Variants in PRICKLE1 observed in about 807,000 individuals in gnomAD.
PRICKLE1 encodes prickle planar cell polarity protein 1, also known as prickle-like protein 1.
PRICKLE1 carries 14 observed loss-of-function variants against 70.2 expected under a neutral mutation model. The ratio of observed to expected loss-of-function variants is 0.20; its 90% CI spans 0.13 to 0.31. PRICKLE1 has a LOEUF of 0.31. Among genes scored for constraint, PRICKLE1 ranks in the 10% least tolerant of loss-of-function variants. The probability of loss-of-function intolerance (pLI) is 1.00; values close to 1 mark genes in which losing one functional copy is unlikely to be tolerated. For missense variants in PRICKLE1, 821 were observed against 1,026.2 expected (o/e 0.80, Z 2.73); for synonymous variants, 357 against 379.9 (o/e 0.94, Z 0.70).
intron 1 of PRICKLE1, among the ~76,000 whole-genome samples, chr12:42,477,534 G>A (rs1188946839): frequency 6.1e-5 from 6 of 98,408 alleles, no homozygotes; most frequent in East Asian, 6.3e-4. Context: ...ATATATATAT[G>A]ACCTCACAAA....
intron 1 of PRICKLE1, among the ~76,000 whole-genome samples, chr12:42,522,821 C>G (rs1359233646): frequency 6.6e-6 from 1 of 152,080 alleles, no homozygotes; most frequent in Admixed American, 6.6e-5. Context: ...TAAATTTGAT[C>G]TTTAGGGATC....
intron 5 of PRICKLE1, among the ~76,000 whole-genome samples, chr12:42,467,924 T>G (rs1423732725): frequency 6.6e-6 from 1 of 152,204 alleles, no homozygotes; most frequent in East Asian, 1.9e-4. Context: ...TGATCTTGGA[T>G]AAGAAAAGGA....
In PRICKLE1 at chr12:42,460,144, T is replaced by TC. The variant is rs1437152413; in HGVS notation, c.2160dup (p.Ile721AspfsTer9). 1 of 1,614,034 alleles carries TC rather than the reference T, an allele frequency of 6.2e-7. No individual in the cohort carries two copies. On this transcript the variant is annotated frameshift_variant, in exon 8 of 8. Transcript: ENST00000345127. LOFTEE classifies it high-confidence loss of function. ...TCAGCATTCTGGATGTATGCTTGGA[T>TC]CTCCCGGGCACTTTTATTCTGTATA... is the stretch of plus-strand genomic sequence containing the variant.
intron 1 of PRICKLE1, 89 bp from the exon 2 acceptor site, chr12:42,472,653 A>G (rs1270307454): frequency 9.1e-7 from 1 of 1,096,806 alleles, no homozygotes; most frequent in Non-Finnish European, 1.3e-6. Flanking sequence ...GAATGCTGTT[A>G]ACAGACAGCT....
intron 1 of PRICKLE1, among the ~76,000 whole-genome samples, chr12:42,512,591 T>A (rs1272384836): frequency 6.6e-6 from 1 of 152,184 alleles, no homozygotes; most frequent in African/African-American, 2.4e-5. Flanking sequence ...ATTCTTCATC[T>A]CTCTTTCCTG....
chr12:42,542,379 G>A (rs1056967288), intron 1 of PRICKLE1, among the ~76,000 whole-genome samples: 5 of 152,028 alleles, frequency 3.3e-5, no homozygotes, highest in Non-Finnish European at 5.9e-5. Flanking sequence ...GGCCAGGCAC[G>A]GTGACTCATG....
intron 1 of PRICKLE1, among the ~76,000 whole-genome samples, chr12:42,536,020 C>T (rs1940012154): frequency 6.6e-6 from 1 of 152,200 alleles, no homozygotes; most frequent in Admixed American, 6.5e-5. Context: ...CAAACTAACA[C>T]AGTACATTCA....
chr12:42,514,747 A>C (rs1939574278), intron 1 of PRICKLE1, among the ~76,000 whole-genome samples: 1 of 152,096 alleles, frequency 6.6e-6, no homozygotes. Context: ...AAACAGTCCT[A>C]AAAGGCTTGT....
rs1566087316 is a variant in PRICKLE1, at chr12:42,472,365, T to A, written c.132+20A>T. ...CACACTGAAAAACAAAGAGTAAATA[T>A]AGGATGATGAAGTTCCTACCTGCTC... On this transcript the variant is annotated intron_variant, in intron 2 of 7. Coordinates refer to ENST00000345127, the MANE Select transcript of PRICKLE1 (RefSeq NM_153026.3). 2 of 1,613,754 alleles carry A rather than the reference T, an allele frequency of 1.2e-6. No homozygotes were observed. Among genetic ancestry groups the A allele is most frequent in the East Asian group, 4.5e-5 (2 of 44,874 alleles).
chr12:42,487,771 C>G (rs1939015054), intron 1 of PRICKLE1, among the ~76,000 whole-genome samples: 1 of 152,172 alleles, frequency 6.6e-6, no homozygotes. Flanking sequence ...CTCGGCCAAG[C>G]GTAGTGGCCC....
intron 1 of PRICKLE1, among the ~76,000 whole-genome samples, chr12:42,521,086 G>T (rs1175183139): frequency 6.6e-6 from 1 of 152,076 alleles, no homozygotes; most frequent in Non-Finnish European, 1.5e-5. Context: ...CAGGAGAATG[G>T]CTTGAACCTG....
chr12:42,469,528 A>T lies in PRICKLE1; in HGVS notation c.306T>A (p.Ala102=), dbSNP rs1938233337. 2 of 1,614,072 alleles carry T rather than the reference A, an allele frequency of 1.2e-6. No individual in the cohort carries two copies. The highest frequency in any genetic ancestry group is 2.7e-5 in the African/African-American group (2 of 74,924). ...TTCCCAGTGCTTCTTTCTTCCGCTG[A>T]GCACTGAACACCTGCAACTCTTTTT... ...EEKKELQVFS[A]QRKKEALGRG... The change falls in exon 4 of 8, where the codon GCT becomes GCA. Residue 102 remains alanine, a synonymous_variant. Transcript: ENST00000345127.
Position 42,459,399 on chromosome 12 carries a change from G to A in PRICKLE1, c.*410C>T, listed in dbSNP as rs781107806. On this transcript the variant is annotated 3_prime_UTR_variant, in exon 8 of 8. Transcript: ENST00000345127. ...TGACAGGCATGCCTCACACCAAGAC[G>A]GACTATCAAGACCTGAGCCGACCTG... 1.4e-5 allele frequency: 10 copies of A among 700,926 alleles called. No individual in the cohort carries two copies. The highest frequency in any genetic ancestry group is 5.3e-5 in the African/African-American group (3 of 57,072). The allele number at this position is 700,926 out of a possible 1,614,324, so 43.4% of individuals were successfully genotyped here.
chr12:42,512,024 T>C (rs1199823321), intron 1 of PRICKLE1, among the ~76,000 whole-genome samples: 1 of 152,170 alleles, frequency 6.6e-6, no homozygotes, highest in Non-Finnish European at 1.5e-5. Flanking sequence ...CCCTCTGGGG[T>C]TGTGCTATTC....
chr12:42,517,719 A>G (rs1274397117), intron 1 of PRICKLE1, among the ~76,000 whole-genome samples: 1 of 152,128 alleles, frequency 6.6e-6, no homozygotes, highest in Non-Finnish European at 1.5e-5. Flanking sequence ...CCTGGCTTTA[A>G]GGACACCCTA....
intron 1 of PRICKLE1, among the ~76,000 whole-genome samples, chr12:42,544,224 G>T (rs1221646572): frequency 6.6e-6 from 1 of 152,118 alleles, no homozygotes; most frequent in Non-Finnish European, 1.5e-5. Flanking sequence ...ACAAATTTAC[G>T]AGTGATCACT....
intron 1 of PRICKLE1, among the ~76,000 whole-genome samples, chr12:42,576,692 T>C (rs941803488): frequency 1.3e-5 from 2 of 152,210 alleles, no homozygotes; most frequent in African/African-American, 4.8e-5. Flanking sequence ...ACTGCTGTGT[T>C]CATCTGAACA....
chr12:42,546,930 T>C (rs1006173279), intron 1 of PRICKLE1, among the ~76,000 whole-genome samples: 1 of 152,196 alleles, frequency 6.6e-6, no homozygotes, highest in Non-Finnish European at 1.5e-5. Context: ...TCAACTATTT[T>C]GCAAGAAAAG....
At chr12:42,489,518 G>A (rs12318421) in intron 1 of PRICKLE1, among the ~76,000 whole-genome samples, 3,220 of 150,900 alleles carry the variant, frequency 0.021, 105 homozygotes, top group African/African-American at 0.067. Flanking sequence ...AAAATTAGCC[G>A]GGCATGGTGG....
Sources: allele counts gnomAD v4.1 joint callset (sites outside exome capture counted in the v4.1 genomes callset), GRCh38; gene constraint gnomAD v4.1.1; transcripts MANE v1.5; gene names NCBI Gene and HGNC (gene_info 2026-07-23, HGNC 2026-07-21).